The following GRIK2 variants were observed in gnomAD, a reference collection of about 807,000 sequenced individuals.
The protein encoded by GRIK2 is glutamate ionotropic receptor kainate type subunit 2.
GRIK2 carries 32 observed loss-of-function variants against 100.3 expected under a neutral mutation model. The ratio of observed to expected loss-of-function variants is 0.32; its 90% CI spans 0.24 to 0.43. GRIK2 has a LOEUF of 0.43. Ranked by LOEUF, GRIK2 falls within the 20% of genes least tolerant of loss-of-function variation. GRIK2 has a pLI of 1.00. For missense variants in GRIK2, 843 were observed against 1,114.9 expected, an observed-to-expected ratio of 0.76 and a Z score of 3.47; for synonymous variants, 417 against 389.4, an observed-to-expected ratio of 1.07 and a Z score of -0.83.
intron 2 of GRIK2, among the ~76,000 whole-genome samples, chr6:101,460,500 T>C (rs1353300607): frequency 6.6e-6 from 1 of 152,234 alleles, no homozygotes; most frequent in Admixed American, 6.5e-5. Context: ...GCAACATGCA[T>C]TCTTATCATT....
chr6:101,721,282 A>G (rs1774463461), intron 7 of GRIK2, among the ~76,000 whole-genome samples: 1 of 151,994 alleles, frequency 6.6e-6, no homozygotes, highest in Admixed American at 6.6e-5. Context: ...TCAGCAAGGT[A>G]GGGTGACTCA....
intron 10 of GRIK2, among the ~76,000 whole-genome samples, chr6:101,821,922 A>G (rs1781979294): frequency 6.6e-6 from 1 of 152,120 alleles, no homozygotes; most frequent in Non-Finnish European, 1.5e-5. Context: ...GGAAGGAGAT[A>G]CAAGGAGATG....
At chr6:101,709,675 T>G (rs996743219) in intron 7 of GRIK2, among the ~76,000 whole-genome samples, 5 of 151,832 alleles carry the variant, frequency 3.3e-5, no homozygotes, top group Non-Finnish European at 5.9e-5. Context: ...AAAAGAATCT[T>G]CCATTAAAGA....
intron 7 of GRIK2, among the ~76,000 whole-genome samples, chr6:101,709,034 T>G (rs1773526380): frequency 6.6e-6 from 1 of 151,748 alleles, no homozygotes; most frequent in Non-Finnish European, 1.5e-5. Flanking sequence ...CAATTTAAAA[T>G]TTAAAAATAA....
chr6:101,863,058 G>A (rs1416065834), intron 11 of GRIK2, among the ~76,000 whole-genome samples: 1 of 149,608 alleles, frequency 6.7e-6, no homozygotes, highest in Non-Finnish European at 1.5e-5. Flanking sequence ...ATCTTCTGTA[G>A]GGGCAGGTTG....
chr6:101,958,988 T>C (rs1256828445), intron 14 of GRIK2, among the ~76,000 whole-genome samples: 2 of 152,112 alleles, frequency 1.3e-5, no homozygotes, highest in Non-Finnish European at 2.9e-5. Flanking sequence ...TATAGTTTTC[T>C]ATTTTTGTGG....
chr6:101,980,844 G>A (rs959938070), intron 14 of GRIK2, among the ~76,000 whole-genome samples: 1 of 147,066 alleles, frequency 6.8e-6, no homozygotes, highest in East Asian at 2.0e-4. Context: ...GTTCTTAAAA[G>A]TATAAGCACT....
intron 14 of GRIK2, among the ~76,000 whole-genome samples, chr6:102,029,371 C>T (rs1394148717): frequency 6.6e-6 from 1 of 151,236 alleles, no homozygotes; most frequent in Non-Finnish European, 1.5e-5. Context: ...TATACTGCAA[C>T]TTTATATTTC....
chr6:101,764,213 TAAATTTATGATTTCC>T (rs1334412199), intron 7 of GRIK2, among the ~76,000 whole-genome samples: 1 of 152,138 alleles, frequency 6.6e-6, no homozygotes, highest in Non-Finnish European at 1.5e-5. Context: ...ATCCTTCTCA[TAAATTTATGATTTCC>T]AAATTTATAA....
chr6:101,693,367 T>C (rs1772245098), intron 7 of GRIK2, among the ~76,000 whole-genome samples: 1 of 151,944 alleles, frequency 6.6e-6, no homozygotes, highest in South Asian at 2.1e-4. Context: ...CACCAACTTA[T>C]AAAGGATAAA....
At position 101,862,529 on chromosome 6, in the gene GRIK2, A is replaced by G. The variant is rs1784789422; in HGVS notation, c.1524+3036A>G. On this transcript the variant is annotated intron_variant, in intron 11 of 16. Coordinates refer to ENST00000369134, the MANE Select transcript of GRIK2 (RefSeq NM_021956.5). ...TTGCAGCCTTGAAGCCCTTGGCTCA[A>G]GCAGTCCTTCTGCCTCAGCCTTGTG... Among the ~76,000 whole-genome samples, 3 of 152,220 alleles carry G rather than the reference A, an allele frequency of 2.0e-5. No individual in the cohort carries two copies. In the South Asian group the frequency reaches 6.2e-4, roughly 32 times the overall value.
chr6:101,463,214 A>G (rs1175623610), intron 2 of GRIK2, among the ~76,000 whole-genome samples: 2 of 152,156 alleles, frequency 1.3e-5, no homozygotes, highest in Non-Finnish European at 2.9e-5. Context: ...TAGAGACAGT[A>G]TCCATAGTCT....
chr6:101,428,602 G>A (rs865785992), intron 2 of GRIK2, among the ~76,000 whole-genome samples: 4 of 152,120 alleles, frequency 2.6e-5, no homozygotes, highest in Admixed American at 6.5e-5. Context: ...GTTACGTAAG[G>A]AAATTATTAA....
chr6:101,529,639 C>T (rs1047881425), intron 2 of GRIK2, among the ~76,000 whole-genome samples: 1 of 151,964 alleles, frequency 6.6e-6, no homozygotes, highest in African/African-American at 2.4e-5. Context: ...TGCGAGGCAT[C>T]GATCCAACAA....
At chr6:101,448,478 G>A (rs563146942) in intron 2 of GRIK2, among the ~76,000 whole-genome samples, 2 of 151,550 alleles carry the variant, frequency 1.3e-5, no homozygotes, top group South Asian at 2.1e-4. Context: ...GCAGTAAAGC[G>A]ATTATAGGGA....
intron 7 of GRIK2, among the ~76,000 whole-genome samples, chr6:101,718,615 C>T (rs1774231167): frequency 6.6e-6 from 1 of 151,878 alleles, no homozygotes. Flanking sequence ...TGTGTCCCTT[C>T]CAGTGTATTG....
intron 7 of GRIK2, among the ~76,000 whole-genome samples, chr6:101,746,627 T>C (rs1026774127): frequency 5.3e-5 from 8 of 152,166 alleles, no homozygotes; most frequent in African/African-American, 1.9e-4. Flanking sequence ...GCGCCTGGCC[T>C]ACCTTCAAAT....
chr6:101,930,328 G>C (rs1435044720), intron 14 of GRIK2, among the ~76,000 whole-genome samples: 2 of 136,510 alleles, frequency 1.5e-5, no homozygotes, highest in African/African-American at 5.6e-5. Context: ...GGCAACTGGA[G>C]TGCAATCCTG....
chr6:101,674,012 T>C (rs1230679960), intron 4 of GRIK2, among the ~76,000 whole-genome samples: 4 of 152,202 alleles, frequency 2.6e-5, no homozygotes, highest in Non-Finnish European at 5.9e-5. Context: ...GAATATTTTT[T>C]CTCTTTTTTC....
Sources: gnomAD v4.1 joint callset for allele counts (sites outside exome capture counted in the v4.1 genomes callset) on GRCh38, gnomAD v4.1.1 for gene constraint, MANE v1.5 for transcripts, NCBI Gene and HGNC (gene_info 2026-07-23, HGNC 2026-07-21) for gene names.